The following LPAR3 variants were observed in gnomAD, a reference collection of about 807,000 sequenced individuals.
LPAR3 encodes the protein LPA receptor 3.
A neutral mutation model predicts 17.8 loss-of-function variants in LPAR3; 7 were observed. The observed-to-expected ratio is 0.39, with a 90% CI of 0.22 to 0.74. The LOEUF (loss-of-function observed/expected upper bound fraction) is 0.74, where lower values mean the gene tolerates loss of function less well. Ranked by LOEUF, LPAR3 falls within the 30% of genes least tolerant of loss-of-function variation. The pLI, the probability that LPAR3 is intolerant of heterozygous loss-of-function variation, is 0.40. For missense variants in LPAR3, 391 were observed against 453.4 expected (o/e 0.86, Z 1.25); for synonymous variants, 179 against 179.9 (o/e 0.99, Z 0.04).
intron 1 of LPAR3, among the ~76,000 whole-genome samples, chr1:84,876,590 C>T (rs1259039362): frequency 6.6e-6 from 1 of 152,294 alleles, no homozygotes; most frequent in Admixed American, 6.5e-5. Flanking sequence ...CTCGGGGACA[C>T]TGTACCATCT....
chr1:84,858,149 A>G (rs1291537282), intron 2 of LPAR3, among the ~76,000 whole-genome samples: 1 of 152,024 alleles, frequency 6.6e-6, no homozygotes, highest in Non-Finnish European at 1.5e-5. Context: ...CTATCGCTTA[A>G]CCTTCAGAGA....
chr1:84,822,339 G>GT (rs1210999491), intron 2 of LPAR3, among the ~76,000 whole-genome samples: 1 of 151,966 alleles, frequency 6.6e-6, no homozygotes, highest in Non-Finnish European at 1.5e-5. Flanking sequence ...AATCAATAAC[G>GT]TGAGTTCAAT....
chr1:84,873,424 T>C (rs1009681576), intron 1 of LPAR3, among the ~76,000 whole-genome samples: 1 of 152,222 alleles, frequency 6.6e-6, no homozygotes, highest in African/African-American at 2.4e-5. Context: ...TTGTTGACTC[T>C]ACTACACTAA....
rs1658866566 is a variant in LPAR3, at chr1:84,813,663, C to T, written c.*183G>A. The T allele has an allele frequency of 7.0e-6, 4 of 572,722 alleles. No individual in the cohort carries two copies. The South Asian group carries it at 9.4e-5, about 13-fold the overall frequency. 35.5% of individuals were successfully genotyped at this position (572,722 alleles called of 1,614,324 possible). ...CCCGTTTCTGTGCTTTCTCTAAATG[C>T]AGCAGGTCCTCTCTTTACTGCCCAT... On this transcript the variant is annotated 3_prime_UTR_variant, in exon 3 of 3. Coordinates refer to ENST00000370611, the MANE Select transcript of LPAR3 (RefSeq NM_012152.3).
intron 2 of LPAR3, among the ~76,000 whole-genome samples, chr1:84,820,206 T>C (rs1659028308): frequency 6.6e-6 from 1 of 152,210 alleles, no homozygotes; most frequent in African/African-American, 2.4e-5. Context: ...AGCATTGAGC[T>C]ATACTAGAGG....
At chr1:84,891,672 A>C (rs1472735023) in intron 1 of LPAR3, among the ~76,000 whole-genome samples, 1 of 152,248 alleles carries the variant, frequency 6.6e-6, no homozygotes, top group Non-Finnish European at 1.5e-5. Context: ...GCGATACAAA[A>C]GTCCATGCAT....
chr1:84,817,739 T>C (rs961934778), intron 2 of LPAR3, among the ~76,000 whole-genome samples: 22 of 152,176 alleles, frequency 1.4e-4, no homozygotes, highest in African/African-American at 4.8e-4. Flanking sequence ...CCAATATTTT[T>C]GTTGGATTCC....
chr1:84,839,327 C>T (rs1224094709), intron 2 of LPAR3, among the ~76,000 whole-genome samples: 2 of 152,174 alleles, frequency 1.3e-5, no homozygotes, highest in African/African-American at 4.8e-5. Context: ...AGGGAAAAGA[C>T]ATGTCTGATT....
rs955470462 is a variant in LPAR3 at position 84,821,229 on chromosome 1, A to T, written c.737-7058T>A. Among the ~76,000 whole-genome samples, 32 of 152,080 alleles carry T rather than the reference A, an allele frequency of 2.1e-4. 1 individual carries two copies. The highest frequency in any genetic ancestry group is 7.7e-4 in the African/African-American group (32 of 41,432). Reference sequence around the variant, plus strand: ...AAATCAGAGCTGCTCTGACTAAAGAAAGAGACGGAGGAGAGGGGGTGTTAA... The same window carrying T: ...AAATCAGAGCTGCTCTGACTAAAGATAGAGACGGAGGAGAGGGGGTGTTAA... On this transcript the variant is annotated intron_variant, in intron 2 of 2. Transcript: ENST00000370611.
intron 2 of LPAR3, among the ~76,000 whole-genome samples, chr1:84,846,330 C>G (rs1659594483): frequency 6.6e-6 from 1 of 152,128 alleles, no homozygotes; most frequent in South Asian, 2.1e-4. Flanking sequence ...TAGAGAGTCT[C>G]AAAACACAAT....
At chr1:84,846,860 A>G (rs1342084186) in intron 2 of LPAR3, among the ~76,000 whole-genome samples, 1 of 152,130 alleles carries the variant, frequency 6.6e-6, no homozygotes, top group Non-Finnish European at 1.5e-5. Context: ...TACAAGCAGA[A>G]GAGAAGAAAT....
intron 2 of LPAR3, among the ~76,000 whole-genome samples, chr1:84,835,802 T>A (rs978559320): frequency 4.4e-4 from 67 of 152,232 alleles, no homozygotes; most frequent in African/African-American, 1.5e-3. Flanking sequence ...ATGAATCTCC[T>A]AACTGTTCTA....
chr1:84,871,862 T>C (rs1474010405), intron 1 of LPAR3, among the ~76,000 whole-genome samples: 2 of 152,072 alleles, frequency 1.3e-5, no homozygotes, highest in African/African-American at 4.8e-5. Context: ...CTGCTCAAAT[T>C]CATTTCCTCA....
At position 84,819,999 on chromosome 1, in the gene LPAR3, C is replaced by G. The variant is rs985603939; in HGVS notation, c.737-5828G>C. Reference sequence around the variant, plus strand: ...CATTTCCTGAGAACTCTGGGTCAGGCAGTGTGCTCAGGGCTTTACATGCAC... The same window carrying G: ...CATTTCCTGAGAACTCTGGGTCAGGGAGTGTGCTCAGGGCTTTACATGCAC... On this transcript the variant is annotated intron_variant, in intron 2 of 2. Coordinates refer to ENST00000370611, the MANE Select transcript of LPAR3 (RefSeq NM_012152.3). 2.0e-5 allele frequency among the ~76,000 whole-genome samples: 3 copies of G among 152,182 alleles called. No individual in the cohort carries two copies. In the East Asian group the frequency reaches 5.8e-4, roughly 29 times the overall value.
chr1:84,849,897 AG>A (rs1399608575), intron 2 of LPAR3, among the ~76,000 whole-genome samples: 2 of 152,190 alleles, frequency 1.3e-5, no homozygotes, highest in Non-Finnish European at 2.9e-5. Flanking sequence ...GGATCATAGT[AG>A]GGTTGGTCCT....
At chr1:84,890,749 A>G (rs1660538375) in intron 1 of LPAR3, among the ~76,000 whole-genome samples, 1 of 152,242 alleles carries the variant, frequency 6.6e-6, no homozygotes, top group South Asian at 2.1e-4. Context: ...TCTGAGGTAC[A>G]GTAATTCCCA....
At chr1:84,888,524 CCGCTG>C (rs1660499279) in intron 1 of LPAR3, among the ~76,000 whole-genome samples, 1 of 152,184 alleles carries the variant, frequency 6.6e-6, no homozygotes, top group South Asian at 2.1e-4. Context: ...CTGATAGACT[CCGCTG>C]CCTATCTTTG....
chr1:84,832,632 T>C (rs1433769346), intron 2 of LPAR3, among the ~76,000 whole-genome samples: 3 of 152,116 alleles, frequency 2.0e-5, no homozygotes, highest in East Asian at 1.9e-4. Context: ...ATATGTAACA[T>C]ATAAATACAC....
intron 1 of LPAR3, among the ~76,000 whole-genome samples, chr1:84,888,259 A>G (rs867524795): frequency 3.3e-5 from 5 of 152,096 alleles, no homozygotes; most frequent in African/African-American, 1.2e-4. Flanking sequence ...CCATGGAGAC[A>G]TAGAAAAAGA....
Sources: gnomAD v4.1 joint callset for allele counts (sites outside exome capture counted in the v4.1 genomes callset) on GRCh38, gnomAD v4.1.1 for gene constraint, MANE v1.5 for transcripts, NCBI Gene and HGNC (gene_info 2026-07-23, HGNC 2026-07-21) for gene names.